MCTP1: variants seen among roughly 807,000 people sequenced by gnomAD.
MCTP1 encodes multiple C2 and transmembrane domain-containing protein 1.
A neutral mutation model predicts 120.6 loss-of-function variants in MCTP1; 69 were observed. The ratio of observed to expected loss-of-function variants is 0.57; its 90% CI spans 0.47 to 0.70. The LOEUF (loss-of-function observed/expected upper bound fraction) is 0.70, where lower values mean the gene tolerates loss of function less well. Ranked by LOEUF, MCTP1 falls within the 30% of genes least tolerant of loss-of-function variation. The pLI, the probability that MCTP1 is intolerant of heterozygous loss-of-function variation, is 0.00. For missense variants in MCTP1, 1,203 were observed against 1,248.8 expected, an observed-to-expected ratio of 0.96 and a Z score of 0.55; for synonymous variants, 529 against 493.1, an observed-to-expected ratio of 1.07 and a Z score of -0.96.
At chr5:94,853,527 T>A (rs1794156172) in intron 17 of MCTP1, among the ~76,000 whole-genome samples, 1 of 151,974 alleles carries the variant, frequency 6.6e-6, no homozygotes, top group Admixed American at 6.6e-5. Context: ...TTACTTTGTA[T>A]TGCATAGAGA....
At chr5:94,763,669 T>A (rs1771870898) in intron 19 of MCTP1, among the ~76,000 whole-genome samples, 1 of 152,194 alleles carries the variant, frequency 6.6e-6, no homozygotes. Context: ...TTCATCTGTG[T>A]CTACCCAGTG....
intron 17 of MCTP1, among the ~76,000 whole-genome samples, chr5:94,804,455 T>C (rs920306135): frequency 1.3e-5 from 2 of 152,174 alleles, no homozygotes; most frequent in Non-Finnish European, 2.9e-5. Flanking sequence ...CTTTTCTTTT[T>C]TTTGAGATGG....
intron 2 of MCTP1, among the ~76,000 whole-genome samples, chr5:94,959,063 T>C (rs1030342191): frequency 1.3e-5 from 2 of 152,158 alleles, no homozygotes; most frequent in Non-Finnish European, 2.9e-5. Context: ...ATTAAAAAGC[T>C]TATCCACCAC....
At chr5:95,142,122 A>G (rs1180699607) in intron 1 of MCTP1, among the ~76,000 whole-genome samples, 1 of 152,168 alleles carries the variant, frequency 6.6e-6, no homozygotes, top group Non-Finnish European at 1.5e-5. Context: ...ATTTCTTTTT[A>G]TTATATAATT....
Position 94,958,823 on chromosome 5 carries a change from T to A in MCTP1, c.839-5462A>T, listed in dbSNP as rs192029839. On this transcript the variant is annotated intron_variant, in intron 2 of 22. Coordinates refer to ENST00000515393, the MANE Select transcript of MCTP1 (RefSeq NM_024717.7). ...ACCCATGACCAGATGGATTCACAGC[T>A]GAATTCTACCAGAGGTACAAAGAGG... 5.9e-4 allele frequency among the ~76,000 whole-genome samples: 90 copies of A among 152,270 alleles called. 2 individuals carry two copies. In the East Asian group the frequency reaches 0.012, roughly 21 times the overall value.
chr5:95,267,815 A>T lies in MCTP1; in HGVS notation c.720+16041T>A, dbSNP rs1229405238. On this transcript the variant is annotated intron_variant, in intron 1 of 22. Coordinates refer to ENST00000515393, the MANE Select transcript of MCTP1 (RefSeq NM_024717.7). ...GGTTCTGCATAATCTGGTCCCTGCC[A>T]CTAATCCCAGACCCATCTCCCCCAA... 2.0e-5 allele frequency among the ~76,000 whole-genome samples: 3 copies of T among 152,320 alleles called. No individual in the cohort carries two copies. In the East Asian group the frequency reaches 5.8e-4, roughly 29 times the overall value.
chr5:94,736,879 T>A (rs958196145), intron 19 of MCTP1, among the ~76,000 whole-genome samples: 1 of 152,212 alleles, frequency 6.6e-6, no homozygotes, highest in Admixed American at 6.5e-5. Flanking sequence ...AAAAGTTCAT[T>A]AACTCATTGA....
Position 94,923,980 on chromosome 5 carries a change from C to T in MCTP1, c.1254G>A (p.Val418=). Residue 418 remains valine, a synonymous_variant, in exon 7 of 23, where the codon GTG becomes GTA. Coordinates refer to ENST00000515393, the MANE Select transcript of MCTP1 (RefSeq NM_024717.7). ...ENEVVGSYFS[V]KSLFWRTCGR... ...ACATTACCCTCCAAAAGAGAGACTTCACAGAGAAATAAGATCCAACCACTT... is the reference window on the plus strand; with the variant it reads ...ACATTACCCTCCAAAAGAGAGACTTTACAGAGAAATAAGATCCAACCACTT... The T allele has an allele frequency of 6.6e-7, 1 of 1,524,368 alleles. No homozygotes were observed. Among genetic ancestry groups the T allele is most frequent in the Non-Finnish European group, 8.8e-7 (1 of 1,142,144 alleles). The allele number at this position is 1,524,368 out of a possible 1,614,324, so 94.4% of individuals were successfully genotyped here.
chr5:95,257,277 T>C (rs1302583078), intron 1 of MCTP1, among the ~76,000 whole-genome samples: 2 of 152,186 alleles, frequency 1.3e-5, no homozygotes, highest in African/African-American at 4.8e-5. Flanking sequence ...AGGCACTTCA[T>C]GAGTACTAAA....
At chr5:95,277,536 A>G (rs1167710265) in intron 1 of MCTP1, among the ~76,000 whole-genome samples, 1 of 152,212 alleles carries the variant, frequency 6.6e-6, no homozygotes, top group Non-Finnish European at 1.5e-5. Flanking sequence ...TCATCCCTTC[A>G]TTCATTCAGG....
intron 1 of MCTP1, among the ~76,000 whole-genome samples, chr5:95,269,152 A>C (rs923311225): frequency 6.6e-6 from 1 of 152,208 alleles, no homozygotes; most frequent in African/African-American, 2.4e-5. Flanking sequence ...ATCAATTAAG[A>C]CAGCAACTGA....
intron 19 of MCTP1, among the ~76,000 whole-genome samples, chr5:94,716,081 G>A (rs1237053733): frequency 6.6e-6 from 1 of 152,236 alleles, no homozygotes; most frequent in Non-Finnish European, 1.5e-5. Flanking sequence ...AATGACAGAT[G>A]TGTGTGCCTC....
In MCTP1 at chr5:94,743,315, T is replaced by TAAAA. The variant is rs34991464; in HGVS notation, c.2611-28433_2611-28430dup. On this transcript the variant is annotated intron_variant, in intron 19 of 22. Transcript: ENST00000515393. ...TCTGCAGGCTTATATTTCAATTCAATAAAAAAAAAAAAAGAGAGTCTATGA... is the reference window on the plus strand; with the variant it reads ...TCTGCAGGCTTATATTTCAATTCAATAAAAAAAAAAAAAAAAAGAGAGTCTATGA... 7.8e-5 allele frequency among the ~76,000 whole-genome samples: 10 copies of TAAAA among 127,532 alleles called. No homozygotes were observed. The South Asian group carries it at 1.9e-3, about 24-fold the overall frequency. The allele number at this position is 127,532 out of a possible 152,430, so 83.7% of individuals were successfully genotyped here. A position where few individuals can be genotyped will look rare whatever the true frequency, so the allele number is the denominator to read the frequency against.
chr5:95,008,339 C>G (rs993274244), intron 2 of MCTP1, among the ~76,000 whole-genome samples: 1 of 152,124 alleles, frequency 6.6e-6, no homozygotes, highest in African/African-American at 2.4e-5. Context: ...TCTTAACCCC[C>G]TCACCCCTTA....
At position 95,031,997 on chromosome 5, in the gene MCTP1, G is replaced by A. The variant is rs186430154; in HGVS notation, c.721-14513C>T. On this transcript the variant is annotated intron_variant, in intron 1 of 22. Coordinates refer to ENST00000515393, the MANE Select transcript of MCTP1 (RefSeq NM_024717.7). Reference sequence around the variant, plus strand: ...CAACAACAGTAAAAAGGACAAATAAGGGCATTATGTAATGATAAAAGATTC... The same window carrying A: ...CAACAACAGTAAAAAGGACAAATAAAGGCATTATGTAATGATAAAAGATTC... 1.1e-4 allele frequency among the ~76,000 whole-genome samples: 16 copies of A among 152,134 alleles called. No homozygotes were observed. In the East Asian group the frequency reaches 3.1e-3, roughly 29 times the overall value.
At chr5:95,142,547 T>C (rs1760022210) in intron 1 of MCTP1, among the ~76,000 whole-genome samples, 1 of 152,202 alleles carries the variant, frequency 6.6e-6, no homozygotes, top group Non-Finnish European at 1.5e-5. Context: ...TTTTCCATCA[T>C]TATAGTCACT....
intron 3 of MCTP1, among the ~76,000 whole-genome samples, chr5:94,950,901 C>T (rs1268989737): frequency 1.3e-5 from 2 of 148,966 alleles, no homozygotes; most frequent in Non-Finnish European, 3.0e-5. Flanking sequence ...GAGCCGAGAT[C>T]GTGCCACTGC....
intron 1 of MCTP1, among the ~76,000 whole-genome samples, chr5:95,074,498 T>C (rs577960696): frequency 7.9e-5 from 12 of 152,354 alleles, no homozygotes; most frequent in Admixed American, 2.6e-4. Flanking sequence ...GATAGGTGTA[T>C]ACATTTTTGC....
At chr5:94,921,671 T>C (rs753290259) in intron 7 of MCTP1, among the ~76,000 whole-genome samples, 9 of 152,182 alleles carry the variant, frequency 5.9e-5, no homozygotes, top group Non-Finnish European at 1.3e-4. Flanking sequence ...AGAGTGACCT[T>C]TGAATGTGAC....
Sources: allele counts gnomAD v4.1 joint callset (sites outside exome capture counted in the v4.1 genomes callset), GRCh38; gene constraint gnomAD v4.1.1; transcripts MANE v1.5; gene names NCBI Gene and HGNC (gene_info 2026-07-23, HGNC 2026-07-21).